Variants in YOD1 observed in about 807,000 individuals in gnomAD.
The protein encoded by YOD1 is ubiquitin thioesterase OTU1.
Under a neutral mutation model 23.7 loss-of-function variants are expected in YOD1, and 17 were observed. The ratio of observed to expected loss-of-function variants is 0.72; its 90% CI spans 0.49 to 1.07. The LOEUF is 1.07. Among genes scored for constraint, YOD1 ranks in the 50% least tolerant of loss-of-function variants. YOD1 has a pLI of 0.00. For missense variants in YOD1, 413 were observed against 447.2 expected, an observed-to-expected ratio of 0.92 and a Z score of 0.69; for synonymous variants, 191 against 169.6, an observed-to-expected ratio of 1.13 and a Z score of -0.98.
In YOD1 at chr1:207,045,450, G is replaced by C. The variant is rs1448530203; in HGVS notation, c.*3570C>G. The C allele has an allele frequency of 7.9e-5, 12 of 152,380 alleles. No individual in the cohort carries two copies. Among genetic ancestry groups the C allele is most frequent in the Non-Finnish European group, 8.8e-5 (6 of 67,902 alleles). The allele number at this position is 152,380 out of a possible 1,614,324, so 9.4% of individuals were successfully genotyped here. On this transcript the variant is annotated 3_prime_UTR_variant, in exon 2 of 2. Coordinates refer to ENST00000315927, the MANE Select transcript of YOD1 (RefSeq NM_018566.4). Reference sequence around the variant, plus strand: ...GCTGATGGTTAGTAGCTCAAGAATTGTACTTTAATGTCCTTAATTAGATCC... The same window carrying C: ...GCTGATGGTTAGTAGCTCAAGAATTCTACTTTAATGTCCTTAATTAGATCC...
Position 207,050,883 on chromosome 1 carries a change from G to A in YOD1, c.148C>T (p.Arg50Cys). 6.2e-7 allele frequency: 1 copy of A among 1,607,734 alleles called. No homozygotes were observed. The highest frequency in any genetic ancestry group is 8.5e-7 in the Non-Finnish European group (1 of 1,177,374). Residue 50 changes from arginine (R) to cysteine (C), a missense_variant, in exon 1 of 2, where the codon CGC becomes TGC. Physicochemically the swap from Arg to Cys is radical, Grantham distance 180. Transcript: ENST00000315927. ...GSRTDTMWRL[R>C]CKAKDGTHVL... is the part of the protein sequence containing the mutation. Reference sequence around the variant, plus strand: ...TGGGTGCCGTCCTTGGCCTTGCAGCGGAGCCGCCACATCGTGTCGGTCCGG... The same window carrying A: ...TGGGTGCCGTCCTTGGCCTTGCAGCAGAGCCGCCACATCGTGTCGGTCCGG...
Position 207,049,469 on chromosome 1 carries a change from C to T in YOD1, c.598G>A (p.Ala200Thr), listed in dbSNP as rs202052371. 147 of 1,614,032 alleles carry T rather than the reference C, an allele frequency of 9.1e-5. No individual in the cohort carries two copies. Among genetic ancestry groups the T allele is most frequent in the Non-Finnish European group, 1.2e-5 (14 of 1,180,038 alleles). ...TCTTGATTTGTTTTTCCCAGTATTG[C>T]CTCACTATAGAAGTCTGGATCGCTT... ...VASDPDFYSE[A>T]ILGKTNQEYC... The change falls in exon 2 of 2, where the codon GCA (alanine) becomes ACA (threonine). Residue 200 changes from alanine to threonine, a missense_variant. Coordinates refer to ENST00000315927, the MANE Select transcript of YOD1 (RefSeq NM_018566.4).
chr1:207,045,267 AT>A lies in YOD1; in HGVS notation c.*3752del, dbSNP rs1291883926. On this transcript the variant is annotated 3_prime_UTR_variant, in exon 2 of 2. Coordinates refer to ENST00000315927, the MANE Select transcript of YOD1 (RefSeq NM_018566.4). ...AATTTGAATACTGCATTGTATAATAATACAAGATATTCACATAATAATAAGT... is the reference window on the plus strand; with the variant it reads ...AATTTGAATACTGCATTGTATAATAAACAAGATATTCACATAATAATAAGT... 3 of 152,476 alleles carry A rather than the reference AT, an allele frequency of 2.0e-5. No individual in the cohort carries two copies. The highest frequency in any genetic ancestry group is 2.9e-5 in the Non-Finnish European group (2 of 67,928). The allele number at this position is 152,476 out of a possible 1,614,324, so 9.4% of individuals were successfully genotyped here.
Position 207,050,680 on chromosome 1 carries a change from T to C in YOD1, c.343+8A>G. The C allele has an allele frequency of 6.2e-7, 1 of 1,613,026 alleles. No homozygotes were observed. Among genetic ancestry groups the C allele is most frequent in the East Asian group, 2.2e-5 (1 of 44,862 alleles). On this transcript the variant is annotated splice_region_variant and intron_variant, in intron 1 of 1. Coordinates refer to ENST00000315927, the MANE Select transcript of YOD1 (RefSeq NM_018566.4). Reference sequence around the variant, plus strand: ...GGACTTTCCCTGGCCCCAGCCCTGATTCCTTACCAGATTGGATGGGCAAGT... The same window carrying C: ...GGACTTTCCCTGGCCCCAGCCCTGACTCCTTACCAGATTGGATGGGCAAGT...
In YOD1 at chr1:207,051,025, A is replaced by C; in HGVS notation, c.6T>G (p.Phe2Leu). 1 of 1,505,576 alleles carries C rather than the reference A, an allele frequency of 6.6e-7. No homozygotes were observed. The highest frequency in any genetic ancestry group is 8.9e-7 in the Non-Finnish European group (1 of 1,127,580). 93.3% of individuals were successfully genotyped at this position (1,505,576 alleles called of 1,614,324 possible). Residue 2 changes from phenylalanine (F) to leucine (L), a missense_variant, in exon 1 of 2, where the codon TTT becomes TTG. Transcript: ENST00000315927. ...CAAAATGGCGACCTTTAGCGGGGCC[A>C]AACATCGCGAGAAGTTGCGGGTGGT... M[F>L]GPAKGRHFGV...
At position 207,049,741 on chromosome 1, in the gene YOD1, A is replaced by C. The variant is rs1288278651; in HGVS notation, c.344-18T>G. ...CATGTCACCTGTTAAAAATAAAACA[A>C]ATCCCGATCTGCAAAGAAATTACAG... On this transcript the variant is annotated intron_variant, in intron 1 of 1. Coordinates refer to ENST00000315927, the MANE Select transcript of YOD1 (RefSeq NM_018566.4). 3 of 1,589,774 alleles carry C rather than the reference A, an allele frequency of 1.9e-6. No homozygotes were observed. Among genetic ancestry groups the C allele is most frequent in the African/African-American group, 1.4e-5 (1 of 73,756 alleles).
rs1682741947 is a variant in YOD1 at position 207,051,133 on chromosome 1, TC to T, written c.-104del. ...CTCTTTTAAAGTGACAACTGATTTTTCCCCCACCCTCAGAACGAAGATGTAA... is the reference window on the plus strand; with the variant it reads ...CTCTTTTAAAGTGACAACTGATTTTTCCCCACCCTCAGAACGAAGATGTAA... On this transcript the variant is annotated 5_prime_UTR_variant, in exon 1 of 2. Coordinates refer to ENST00000315927, the MANE Select transcript of YOD1 (RefSeq NM_018566.4). 22 of 1,419,972 alleles carry T rather than the reference TC, an allele frequency of 1.5e-5. No individual in the cohort carries two copies. The highest frequency in any genetic ancestry group is 5.8e-5 in the African/African-American group (4 of 68,958). The allele number at this position is 1,419,972 out of a possible 1,614,324, so 88.0% of individuals were successfully genotyped here.
chr1:207,050,025 C>T (rs1386705579), intron 1 of YOD1, among the ~76,000 whole-genome samples: 1 of 152,222 alleles, frequency 6.6e-6, no homozygotes, highest in Non-Finnish European at 1.5e-5. Context: ...TTTCCTTATA[C>T]AGTATTTTAC....
rs1248083445 is a variant in YOD1, at chr1:207,050,968, G to A, written c.63C>T (p.Gly21=). Residue 21 remains glycine, a synonymous_variant, in exon 1 of 2, where the codon GGC becomes GGT. Coordinates refer to ENST00000315927, the MANE Select transcript of YOD1 (RefSeq NM_018566.4). ...TGGTCCCGGCAGCCTGTTGGGAGAC[G>A]CCGCCGGGGAAACCAGGCGCCGGGT... ...GVHPAPGFPG[G]VSQQAAGTKA... The A allele has an allele frequency of 3.9e-6, 6 of 1,547,436 alleles. No individual in the cohort carries two copies. The highest frequency in any genetic ancestry group is 1.7e-4 in the Middle Eastern group (1 of 5,738).
At position 207,047,101 on chromosome 1, in the gene YOD1, C is replaced by G. The variant is rs1266969708; in HGVS notation, c.*1919G>C. 6.6e-6 allele frequency: 1 copy of G among 152,466 alleles called. No individual in the cohort carries two copies. Among genetic ancestry groups the G allele is most frequent in the Non-Finnish European group, 1.5e-5 (1 of 67,926 alleles). The allele number at this position is 152,466 out of a possible 1,614,324, so 9.4% of individuals were successfully genotyped here. On this transcript the variant is annotated 3_prime_UTR_variant, in exon 2 of 2. Transcript: ENST00000315927. Reference sequence around the variant, plus strand: ...AAAAAAGATACAAAACCAAAACCATCCAGATCAGATGAGAGTCAGGTGTGG... The same window carrying G: ...AAAAAAGATACAAAACCAAAACCATGCAGATCAGATGAGAGTCAGGTGTGG...
upstream of YOD1, chr1:207,051,222 C>A: frequency 1.8e-6 from 2 of 1,124,142 alleles, no homozygotes; most frequent in Middle Eastern, 3.1e-4. Context: ...GTGCCCTCCG[C>A]GTGGGTAGCA....
chr1:207,049,372 T>A lies in YOD1; in HGVS notation c.695A>T (p.Tyr232Phe). 1.2e-6 allele frequency: 2 copies of A among 1,614,168 alleles called. No individual in the cohort carries two copies. ...ATCCACTACACATATTTCACATTGG[T>A]AAAACTTGGACAAAATCGATATCTC... Reference protein sequence around the residue: ...AIEISILSKFYQCEICVVDTQ... With the variant: ...AIEISILSKFFQCEICVVDTQ... The change falls in exon 2 of 2, where the codon TAC becomes TTC. Residue 232 changes from tyrosine (Y) to phenylalanine (F), a missense_variant. Transcript: ENST00000315927.
chr1:207,051,000 C>T lies in YOD1; in HGVS notation c.31G>A (p.Gly11Arg). The part of the protein sequence containing the change: MFGPAKGRHF[G>R]VHPAPGFPGG... ...GGGAAACCAGGCGCCGGGTGGACTC[C>T]AAAATGGCGACCTTTAGCGGGGCCA... Residue 11 changes from glycine (G) to arginine (R), a missense_variant, in exon 1 of 2, where the codon GGA (glycine) becomes AGA (arginine). By Grantham distance (125) the Gly-to-Arg change is moderately radical. Coordinates refer to ENST00000315927, the MANE Select transcript of YOD1 (RefSeq NM_018566.4). 1 of 1,527,254 alleles carries T rather than the reference C, an allele frequency of 6.5e-7. No homozygotes were observed. The allele number at this position is 1,527,254 out of a possible 1,614,324, so 94.6% of individuals were successfully genotyped here. A position where few individuals can be genotyped will look rare whatever the true frequency, so the allele number is the denominator to read the frequency against.
Position 207,051,073 on chromosome 1 carries a change from T to A in YOD1, c.-43A>T, listed in dbSNP as rs1195868201. Reference sequence around the variant, plus strand: ...GGTTGCAGTTATCGCGACGCTTCGGTGCGGCTTCTGCCTTAGTACCTTAGC... The same window carrying A: ...GGTTGCAGTTATCGCGACGCTTCGGAGCGGCTTCTGCCTTAGTACCTTAGC... On this transcript the variant is annotated 5_prime_UTR_variant, in exon 1 of 2. Coordinates refer to ENST00000315927, the MANE Select transcript of YOD1 (RefSeq NM_018566.4). 28 of 1,463,442 alleles carry A rather than the reference T, an allele frequency of 1.9e-5. No individual in the cohort carries two copies. The highest frequency in any genetic ancestry group is 2.2e-4 in the Middle Eastern group (1 of 4,638). The allele number at this position is 1,463,442 out of a possible 1,614,324, so 90.7% of individuals were successfully genotyped here. A position where few individuals can be genotyped will look rare whatever the true frequency, so the allele number is the denominator to read the frequency against.
At position 207,049,302 on chromosome 1, in the gene YOD1, A is replaced by T; in HGVS notation, c.765T>A (p.Tyr255Ter). Reference protein sequence around the residue: ...RIDRFGEDAGYTKRVLLIYDG... With the variant: ...RIDRFGEDAG Reference sequence around the variant, plus strand: ...CATAAATAAGCAGAACCCTTTTGGTATATCCTGCATCTTCCCCAAAACGAT... The same window carrying T: ...CATAAATAAGCAGAACCCTTTTGGTTTATCCTGCATCTTCCCCAAAACGAT... The change falls in exon 2 of 2, where the codon TAT becomes TAA. Residue 255 changes from tyrosine (Y) to a stop codon, truncating the protein, a stop_gained. Transcript: ENST00000315927. LOFTEE classifies it high-confidence loss of function. 6.2e-7 allele frequency: 1 copy of T among 1,614,158 alleles called. No homozygotes were observed.
Position 207,050,899 on chromosome 1 carries a change from G to T in YOD1, c.132C>A (p.Asp44Glu). 1 of 1,607,694 alleles carries T rather than the reference G, an allele frequency of 6.2e-7. No homozygotes were observed. Among genetic ancestry groups the T allele is most frequent in the South Asian group, 1.1e-5 (1 of 90,580 alleles). Reference sequence around the variant, plus strand: ...CCTTGCAGCGGAGCCGCCACATCGTGTCGGTCCGGCTGCCCACAGGCCAGG... The same window carrying T: ...CCTTGCAGCGGAGCCGCCACATCGTTTCGGTCCGGCTGCCCACAGGCCAGG... ...AGAWPVGSRTDTMWRLRCKAK... is the reference protein window; with the variant it reads ...AGAWPVGSRTETMWRLRCKAK... Residue 44 changes from aspartate (D) to glutamate (E), a missense_variant, in exon 1 of 2, where the codon GAC becomes GAA. Physicochemically the swap from Asp to Glu is conservative, Grantham distance 45. Coordinates refer to ENST00000315927, the MANE Select transcript of YOD1 (RefSeq NM_018566.4).
chr1:207,046,863 G>A lies in YOD1; in HGVS notation c.*2157C>T, dbSNP rs1368401860. The A allele has an allele frequency of 1.3e-5, 2 of 151,936 alleles. No individual in the cohort carries two copies. Among genetic ancestry groups the A allele is most frequent in the East Asian group, 3.9e-4 (2 of 5,186 alleles). 9.4% of individuals were successfully genotyped at this position (151,936 alleles called of 1,614,324 possible). On this transcript the variant is annotated 3_prime_UTR_variant, in exon 2 of 2. Coordinates refer to ENST00000315927, the MANE Select transcript of YOD1 (RefSeq NM_018566.4). ...GACAGAAACATATCAAAACATGCCT[G>A]GCACAGTATAAATTACTCAATAAAT...
rs749716086 is a variant in YOD1, at chr1:207,049,647, A to G, written c.420T>C (p.Ser140=). 248 of 1,614,212 alleles carry G rather than the reference A, an allele frequency of 1.5e-4. 2 individuals are homozygous for G. The Middle Eastern group carries it at 7.1e-3, about 46-fold the overall frequency. Residue 140 remains serine (S), a synonymous_variant, in exon 2 of 2, where the codon AGT becomes AGC. Coordinates refer to ENST00000315927, the MANE Select transcript of YOD1 (RefSeq NM_018566.4). The part of the protein sequence containing the change: ...SPAFTKRGAS[S]YVRETLPVLT... ...GCACAGGCAAAGTTTCCCTGACGTA[A>G]CTAGAAGCACCACGTTTAGTAAATG... is the stretch of plus-strand genomic sequence containing the variant.
Position 207,048,605 on chromosome 1 carries a change from C to A in YOD1, c.*415G>T, listed in dbSNP as rs1348789254. ...TGCTTTCTTCTACAAGTTAAAGCTG[C>A]TGGGTGCTAGTTTATAATACTCAAT... On this transcript the variant is annotated 3_prime_UTR_variant, in exon 2 of 2. Transcript: ENST00000315927. 2 of 163,386 alleles carry A rather than the reference C, an allele frequency of 1.2e-5. No individual in the cohort carries two copies. Among genetic ancestry groups the A allele is most frequent in the African/African-American group, 2.4e-5 (1 of 41,468 alleles). The allele number at this position is 163,386 out of a possible 1,614,324, so 10.1% of individuals were successfully genotyped here.
Sources: allele counts gnomAD v4.1 joint callset (sites outside exome capture counted in the v4.1 genomes callset), GRCh38; gene constraint gnomAD v4.1.1; transcripts MANE v1.5; gene names NCBI Gene and HGNC (gene_info 2026-07-23, HGNC 2026-07-21).